Variants in ARHGAP15 observed in about 807,000 individuals in gnomAD.
ARHGAP15 encodes the protein rho GTPase-activating protein 15.
Under a neutral mutation model 63.7 loss-of-function variants are expected in ARHGAP15, and 51 were observed. The observed-to-expected ratio is 0.80, with a 90% CI of 0.64 to 1.01. ARHGAP15 has a LOEUF of 1.01. ARHGAP15 is among the 50% of genes least tolerant of loss of function. ARHGAP15 has a pLI of 0.00. For missense variants in ARHGAP15, 560 were observed against 564.6 expected (o/e 0.99, Z 0.08); for synonymous variants, 191 against 193.8 (o/e 0.99, Z 0.12).
chr2:143,176,819 C>T (rs1033331308), intron 2 of ARHGAP15, among the ~76,000 whole-genome samples: 2 of 152,168 alleles, frequency 1.3e-5, no homozygotes, highest in Non-Finnish European at 2.9e-5. Flanking sequence ...ACTTTGAAGA[C>T]AGTTCTCTCA....
intron 6 of ARHGAP15, among the ~76,000 whole-genome samples, chr2:143,290,457 A>T (rs762472223): frequency 2.0e-5 from 3 of 152,144 alleles, no homozygotes; most frequent in Non-Finnish European, 4.4e-5. Flanking sequence ...CGGCTATTCA[A>T]CTATAGCCCA....
intron 8 of ARHGAP15, among the ~76,000 whole-genome samples, chr2:143,483,120 A>G (rs1238257706): frequency 1.3e-5 from 2 of 152,156 alleles, no homozygotes; most frequent in Admixed American, 6.6e-5. Context: ...TTAAAAACAT[A>G]TTTTCATTTT....
chr2:143,331,335 A>ATGCC (rs1465732458), intron 6 of ARHGAP15, among the ~76,000 whole-genome samples: 1 of 152,148 alleles, frequency 6.6e-6, no homozygotes, highest in Non-Finnish European at 1.5e-5. Flanking sequence ...AAAAAAAAGC[A>ATGCC]TGCCATCTTT....
intron 5 of ARHGAP15, among the ~76,000 whole-genome samples, chr2:143,243,322 A>C (rs1309390668): frequency 6.6e-6 from 1 of 152,202 alleles, no homozygotes; most frequent in Admixed American, 6.5e-5. Context: ...GAATAATAAA[A>C]ATCAGAAGTG....
chr2:143,379,574 C>G (rs1057179295), intron 6 of ARHGAP15, among the ~76,000 whole-genome samples: 6 of 150,010 alleles, frequency 4.0e-5, no homozygotes, highest in African/African-American at 1.5e-4. Context: ...ATAGTTTACA[C>G]AATTCTCTCT....
chr2:143,487,310 G>T, intron 8 of ARHGAP15, 63 bp from the exon 9 acceptor site: 1 of 1,543,528 alleles, frequency 6.5e-7, no homozygotes, highest in South Asian at 1.2e-5. Context: ...ATTCAGATTT[G>T]CATAAAGTAA....
intron 9 of ARHGAP15, 119 bp from the exon 10 acceptor site, chr2:143,519,146 CA>C (rs148946445): frequency 8.9e-3 from 5,508 of 620,350 alleles, no homozygotes; most frequent in East Asian, 0.011. Context: ...GGAAATAAAG[CA>C]AAAAAAAAAT....
chr2:143,152,469 G>A (rs1689865069), intron 1 of ARHGAP15, among the ~76,000 whole-genome samples: 1 of 151,966 alleles, frequency 6.6e-6, no homozygotes, highest in African/African-American at 2.4e-5. Context: ...CCTGGGCACT[G>A]CCCTATTCTC....
intron 3 of ARHGAP15, among the ~76,000 whole-genome samples, chr2:143,213,133 G>A (rs1692619991): frequency 6.6e-6 from 1 of 152,196 alleles, no homozygotes; most frequent in Non-Finnish European, 1.5e-5. Flanking sequence ...TCTGTTGTAA[G>A]CAGAGAAGCT....
At chr2:143,218,979 C>T (rs1442212878) in intron 4 of ARHGAP15, among the ~76,000 whole-genome samples, 4 of 152,218 alleles carry the variant, frequency 2.6e-5, no homozygotes, top group African/African-American at 7.2e-5. Context: ...CATAGGACTA[C>T]TATCTATATG....
At chr2:143,248,645 C>T (rs1383365637) in intron 5 of ARHGAP15, among the ~76,000 whole-genome samples, 3 of 152,134 alleles carry the variant, frequency 2.0e-5, no homozygotes, top group Admixed American at 6.5e-5. Flanking sequence ...TAAGATTTCA[C>T]AGAATCATTT....
rs116752269 is a variant in ARHGAP15 at position 143,252,940 on chromosome 2, T to C, written c.474+2340T>C. Among the ~76,000 whole-genome samples, 792 of 152,138 alleles carry C rather than the reference T, an allele frequency of 5.2e-3. 5 individuals carry two copies. The highest frequency in any genetic ancestry group is 0.018 in the African/African-American group (738 of 41,530). ...GTCTTAAAAACATGGTATTAAGGCA[T>C]TGTTGGACGTTGGAGTGTATGTGTG... On this transcript the variant is annotated intron_variant, in intron 6 of 13. Coordinates refer to ENST00000295095, the MANE Select transcript of ARHGAP15 (RefSeq NM_018460.4).
At chr2:143,158,646 C>T (rs934119996) in intron 2 of ARHGAP15, among the ~76,000 whole-genome samples, 1 of 151,860 alleles carries the variant, frequency 6.6e-6, no homozygotes, top group African/African-American at 2.4e-5. Flanking sequence ...AAGAAAATCG[C>T]CCATCTGTAA....
At chr2:143,461,859 G>A (rs896450745) in intron 8 of ARHGAP15, among the ~76,000 whole-genome samples, 3 of 152,100 alleles carry the variant, frequency 2.0e-5, no homozygotes, top group Non-Finnish European at 2.9e-5. Flanking sequence ...AATAGGATTG[G>A]AGGTTCACCA....
intron 10 of ARHGAP15, among the ~76,000 whole-genome samples, chr2:143,529,305 CT>C (rs1304904575): frequency 6.6e-6 from 1 of 152,088 alleles, no homozygotes; most frequent in African/African-American, 2.4e-5. Flanking sequence ...GCTCTACTTT[CT>C]TACTATCTCT....
intron 12 of ARHGAP15, among the ~76,000 whole-genome samples, chr2:143,683,301 A>G (rs1340455975): frequency 1.3e-5 from 2 of 152,200 alleles, no homozygotes; most frequent in South Asian, 2.1e-4. Context: ...AGCAAAAATG[A>G]TAAGATATAT....
chr2:143,449,592 C>T (rs907950819), intron 8 of ARHGAP15, among the ~76,000 whole-genome samples: 6 of 152,086 alleles, frequency 3.9e-5, no homozygotes, highest in African/African-American at 1.2e-4. Context: ...TTTGCTGCAC[C>T]TGCCAAAAGA....
chr2:143,469,760 CT>C (rs1406795721), intron 8 of ARHGAP15, among the ~76,000 whole-genome samples: 2 of 152,152 alleles, frequency 1.3e-5, no homozygotes, highest in Non-Finnish European at 2.9e-5. Flanking sequence ...AATGATAATA[CT>C]TTGGATAGAT....
At chr2:143,226,620 G>T (rs1421617449) in intron 4 of ARHGAP15, among the ~76,000 whole-genome samples, 1 of 152,114 alleles carries the variant, frequency 6.6e-6, no homozygotes, top group Non-Finnish European at 1.5e-5. Context: ...AAGGCAAAAT[G>T]GGCACTAGGG....
Sources: gnomAD v4.1 joint callset for allele counts (sites outside exome capture counted in the v4.1 genomes callset) on GRCh38, gnomAD v4.1.1 for gene constraint, MANE v1.5 for transcripts, NCBI Gene and HGNC (gene_info 2026-07-23, HGNC 2026-07-21) for gene names.